Variants in TRPM2 observed in about 807,000 individuals in gnomAD.
TRPM2 encodes the protein transient receptor potential cation channel subfamily M member 2.
In TRPM2, 161 loss-of-function variants were observed where a neutral mutation model predicts 174.0. The ratio of observed to expected loss-of-function variants is 0.93; its 90% CI spans 0.81 to 1.05. The LOEUF is 1.05. TRPM2 is among the 50% of genes least tolerant of loss of function. TRPM2 has a pLI of 0.00. For missense variants in TRPM2, 2,057 were observed against 2,038.0 expected, an observed-to-expected ratio of 1.01 and a Z score of -0.18; for synonymous variants, 954 against 861.3, an observed-to-expected ratio of 1.11 and a Z score of -1.88.
Position 44,399,360 on chromosome 21 carries a change from C to A in TRPM2, c.2127C>A (p.Ser709=), listed in dbSNP as rs149727028. The change falls in exon 14 of 32, where the codon TCC becomes TCA. Residue 709 remains serine (S), a synonymous_variant. Coordinates refer to ENST00000397928, the MANE Select transcript of TRPM2 (RefSeq NM_003307.4). This position sits in a 1 kb window ranked among gnomAD's most constrained non-coding sequence, Gnocchi z 4.6. ...CCCAGAAACTGCTCACCCGCGTGTCCGAGGCCTGGGGGAAGACCACCTGCC... is the reference window on the plus strand; with the variant it reads ...CCCAGAAACTGCTCACCCGCGTGTCAGAGGCCTGGGGGAAGACCACCTGCC... ...ERAQKLLTRV[S]EAWGKTTCLQ... The A allele has an allele frequency of 8.7e-6, 14 of 1,612,684 alleles. No individual in the cohort carries two copies. Among genetic ancestry groups the A allele is most frequent in the Non-Finnish European group, 1.2e-5 (14 of 1,179,916 alleles).
chr21:44,375,389 C>T lies in TRPM2; in HGVS notation c.772-444C>T, dbSNP rs192544269. 3.0e-3 allele frequency among the ~76,000 whole-genome samples: 450 copies of T among 152,352 alleles called. 1 individual carries two copies. Among genetic ancestry groups the T allele is most frequent in the African/African-American group, 0.01 (417 of 41,568 alleles). On this transcript the variant is annotated intron_variant, in intron 5 of 31. Coordinates refer to ENST00000397928, the MANE Select transcript of TRPM2 (RefSeq NM_003307.4). ...CACTTCCTCACCCCAGACCTGTATC[C>T]GTTTCCTGTGGCTGCCGTAACAAAT...
At chr21:44,435,061 TC>T in intron 27 of TRPM2, 69 bp from the exon 28 acceptor site, 1 of 1,494,760 alleles carries the variant, frequency 6.7e-7, no homozygotes, top group Non-Finnish European at 9.2e-7. Flanking sequence ...CCCCTCTCAG[TC>T]CCCCTCCCTG....
intron 8 of TRPM2, 135 bp downstream of exon 8, chr21:44,379,332 C>T (rs2048806782): frequency 7.7e-6 from 8 of 1,041,396 alleles, no homozygotes; most frequent in Non-Finnish European, 9.8e-6. Context: ...GAGCGATTTG[C>T]AGAGGGCAGG....
chr21:44,373,369 TAGAGAC>T (rs567515841), intron 5 of TRPM2, among the ~76,000 whole-genome samples: 398 of 152,256 alleles, frequency 2.6e-3, no homozygotes, highest in Non-Finnish European at 5.0e-3. Flanking sequence ...GTATTTTTAG[TAGAGAC>T]AGGGTTTCTC....
intron 25 of TRPM2, 96 bp from the exon 26 acceptor site, chr21:44,426,564 G>T (rs925952029): frequency 7.7e-5 from 102 of 1,322,964 alleles, no homozygotes; most frequent in Non-Finnish European, 8.9e-5. Context: ...TTGGGGTCGG[G>T]TTCAGACCCA....
Position 44,430,976 on chromosome 21 carries a change from G to T in TRPM2, c.3974+3865G>T, listed in dbSNP as rs767545620. Reference sequence around the variant, plus strand: ...ATGTATTTCTCTTCTTTTTTTTTTTGATTATTCTTGCCAGTGGCTTAATTT... The same window carrying T: ...ATGTATTTCTCTTCTTTTTTTTTTTTATTATTCTTGCCAGTGGCTTAATTT... On this transcript the variant is annotated intron_variant, in intron 27 of 31. Coordinates refer to ENST00000397928, the MANE Select transcript of TRPM2 (RefSeq NM_003307.4). Among the ~76,000 whole-genome samples, 565 of 100,544 alleles carry T rather than the reference G, an allele frequency of 5.6e-3. 2 individuals carry two copies. The highest frequency in any genetic ancestry group is 0.011 in the South Asian group (36 of 3,318). 66.0% of individuals were successfully genotyped at this position (100,544 alleles called of 152,430 possible).
In TRPM2 at chr21:44,406,047, C is replaced by T. The variant is rs201124810; in HGVS notation, c.2790+10C>T. On this transcript the variant is annotated intron_variant, in intron 18 of 31. Coordinates refer to ENST00000397928, the MANE Select transcript of TRPM2 (RefSeq NM_003307.4). ...CATTGTGAAGCGGATGGTAAGGGGG[C>T]GGGGGCACCGGCTCCATCGCGGCCT... 47 of 1,602,952 alleles carry T rather than the reference C, an allele frequency of 2.9e-5. No individual in the cohort carries two copies. Among genetic ancestry groups the T allele is most frequent in the East Asian group, 8.9e-5 (4 of 44,882 alleles).
At position 44,397,860 on chromosome 21, in the gene TRPM2, T is replaced by G. The variant is rs538641160; in HGVS notation, c.2046T>G (p.Tyr682Ter). Reference protein sequence around the residue: ...SEEMLALAEEYEHRAIGVFTE... With the variant: ...SEEMLALAEE ...AGATGCTGGCGCTGGCGGAGGAGTA[T>G]GAGCACAGAGCCATCGGTGAGCTCT... The change falls in exon 13 of 32, where the codon TAT (tyrosine) becomes TAG (stop). Residue 682 changes from tyrosine (Y) to a stop codon, truncating the protein, a stop_gained. Coordinates refer to ENST00000397928, the MANE Select transcript of TRPM2 (RefSeq NM_003307.4). LOFTEE classifies it high-confidence loss of function. 6 of 1,607,206 alleles carry G rather than the reference T, an allele frequency of 3.7e-6. No individual in the cohort carries two copies. The Admixed American group carries it at 1.0e-4, about 27-fold the overall frequency.
Position 44,428,261 on chromosome 21 carries a change from T to G in TRPM2, c.3974+1150T>G, listed in dbSNP as rs538642985. Reference sequence around the variant, plus strand: ...TTTTTCACTGAGACTTTAATACAGCTGAAGGCTGATTGTATAAGGTGTGAG... The same window carrying G: ...TTTTTCACTGAGACTTTAATACAGCGGAAGGCTGATTGTATAAGGTGTGAG... On this transcript the variant is annotated intron_variant, in intron 27 of 31. Transcript: ENST00000397928. Among the ~76,000 whole-genome samples the G allele has an allele frequency of 1.3e-5, 2 of 152,286 alleles. 1 individual carries two copies. The highest frequency in any genetic ancestry group is 4.8e-5 in the African/African-American group (2 of 41,528).
At chr21:44,425,210 G>A (rs765936462) in intron 24 of TRPM2, 20 of 477,352 alleles carry the variant, frequency 4.2e-5, no homozygotes, top group Non-Finnish European at 6.4e-5. Flanking sequence ...CCCACATACC[G>A]CACTGCAGAG....
chr21:44,411,558 C>T lies in TRPM2; in HGVS notation c.2963-2333C>T, dbSNP rs45449093. 9.9e-3 allele frequency among the ~76,000 whole-genome samples: 1,505 copies of T among 152,196 alleles called. 11 individuals are homozygous for T. The highest frequency in any genetic ancestry group is 0.027 in the Middle Eastern group (8 of 292). On this transcript the variant is annotated intron_variant, in intron 19 of 31. Transcript: ENST00000397928. ...AGAGTTTTACTTGTTCCTTTCCAAA[C>T]TGGTTGCCTTTTATTTCTTCTTCTT... is the stretch of plus-strand genomic sequence containing the variant.
chr21:44,393,120 C>G (rs553136618), intron 11 of TRPM2, among the ~76,000 whole-genome samples: 7 of 152,070 alleles, frequency 4.6e-5, no homozygotes, highest in Admixed American at 6.6e-5. Context: ...GGAACCCTGC[C>G]GTAATCTCCA....
At chr21:44,435,361 A>G (rs75588122) in intron 28 of TRPM2, 144 bp downstream of exon 28, 19,787 of 802,864 alleles carry the variant, frequency 0.025, 604 homozygotes, top group African/African-American at 0.11. Context: ...GGGATGCGGG[A>G]GGCGTCTGTG....
intron 30 of TRPM2, 27 bp from the exon 31 acceptor site, chr21:44,440,762 C>T (rs758256345): frequency 1.8e-5 from 29 of 1,602,914 alleles, no homozygotes; most frequent in Middle Eastern, 1.7e-4. Flanking sequence ...CCCTCGCTGT[C>T]GGGCTTACCC....
intron 8 of TRPM2, among the ~76,000 whole-genome samples, chr21:44,381,963 TAGATAGATAGATAG>T (rs1412020618): frequency 1.1e-5 from 1 of 89,554 alleles, no homozygotes; most frequent in Non-Finnish European, 2.5e-5. Flanking sequence ...GATAGATAGA[TAGATAGATAGATAG>T]ATAGATAGAT....
chr21:44,379,146 G>A lies in TRPM2; in HGVS notation c.1164G>A (p.Gln388=). The A allele has an allele frequency of 7.4e-6, 12 of 1,613,634 alleles. No individual in the cohort carries two copies. The highest frequency in any genetic ancestry group is 1.3e-5 in the African/African-American group (1 of 75,060). ...LIQQKLSVFF[Q]EMFETFTESR... Reference sequence around the variant, plus strand: ...AGCAGAAACTGAGCGTGTTCTTCCAGGAGATGTTTGAGACCTTCACGGAAA... The same window carrying A: ...AGCAGAAACTGAGCGTGTTCTTCCAAGAGATGTTTGAGACCTTCACGGAAA... The change falls in exon 8 of 32, where the codon CAG becomes CAA. Residue 388 remains glutamine (Q), a synonymous_variant. Transcript: ENST00000397928.
intron 30 of TRPM2, among the ~76,000 whole-genome samples, chr21:44,440,308 A>AAGAGATTCCGTCTC (rs1569125753): frequency 0.05 from 316 of 6,374 alleles, 4 homozygotes; most frequent in African/African-American, 0.097. Flanking sequence ...TGCGCTCAAA[A>AAGAGATTCCGTCTC]AAAAAAAAAA....
chr21:44,376,871 G>T lies in TRPM2; in HGVS notation c.953-841G>T, dbSNP rs1411535377. 6.6e-6 allele frequency among the ~76,000 whole-genome samples: 1 copy of T among 152,216 alleles called. No homozygotes were observed. Among genetic ancestry groups the T allele is most frequent in the African/African-American group, 2.4e-5 (1 of 41,454 alleles). On this transcript the variant is annotated intron_variant, in intron 6 of 31. Coordinates refer to ENST00000397928, the MANE Select transcript of TRPM2 (RefSeq NM_003307.4). This position sits in a 1 kb window ranked among gnomAD's most constrained non-coding sequence, Gnocchi z 4.2. ...AACTCAGCAGCTCCAGGTGGGCTGA[G>T]AACTTGCATTAGGAGCACGTTCCCT...
chr21:44,427,194 C>T (rs2050830881), intron 27 of TRPM2, 83 bp downstream of exon 27: 4 of 1,183,462 alleles, frequency 3.4e-6, no homozygotes, highest in Non-Finnish European at 4.7e-6. Flanking sequence ...GCAAAGGAAG[C>T]ATTTTTCTCA....
Sources: allele counts gnomAD v4.1 joint callset (sites outside exome capture counted in the v4.1 genomes callset), GRCh38; gene constraint gnomAD v4.1.1; non-coding constraint Gnocchi (gnomAD v3.1); transcripts MANE v1.5; gene names NCBI Gene and HGNC (gene_info 2026-07-23, HGNC 2026-07-21).